Variants in CAMK2D observed in about 807,000 individuals in gnomAD.
CAMK2D encodes the protein calcium/calmodulin dependent protein kinase II delta.
Under a neutral mutation model 84.0 loss-of-function variants are expected in CAMK2D, and 37 were observed. The observed-to-expected ratio is 0.44, with a 90% CI of 0.34 to 0.58. The LOEUF is 0.58. CAMK2D is among the 20% of genes least tolerant of loss of function. The pLI, the probability that CAMK2D is intolerant of heterozygous loss-of-function variation, is 0.02. For missense variants in CAMK2D, 448 were observed against 652.5 expected, an observed-to-expected ratio of 0.69 and a Z score of 3.41; for synonymous variants, 202 against 212.5, an observed-to-expected ratio of 0.95 and a Z score of 0.43.
chr4:113,637,373 T>C (rs2099114091), intron 3 of CAMK2D, among the ~76,000 whole-genome samples: 1 of 152,212 alleles, frequency 6.6e-6, no homozygotes, highest in Non-Finnish European at 1.5e-5. Flanking sequence ...AAATGGAACA[T>C]ATCCCCCAAT....
intron 2 of CAMK2D, among the ~76,000 whole-genome samples, chr4:113,718,628 C>T (rs2099520881): frequency 6.6e-6 from 1 of 152,134 alleles, no homozygotes; most frequent in Admixed American, 6.6e-5. Flanking sequence ...CACTCTAGTC[C>T]CCAGGCAGGG....
chr4:113,688,234 G>A (rs1379341224), intron 2 of CAMK2D, among the ~76,000 whole-genome samples: 9 of 152,086 alleles, frequency 5.9e-5, no homozygotes, highest in African/African-American at 2.4e-5. Flanking sequence ...TCTGCCAAAC[G>A]TGTGTCCCTC....
At chr4:113,631,709 G>A (rs1221645302) in intron 3 of CAMK2D, among the ~76,000 whole-genome samples, 2 of 152,154 alleles carry the variant, frequency 1.3e-5, no homozygotes, top group Non-Finnish European at 2.9e-5. Context: ...GAGCTTCAGG[G>A]AGATCAATGA....
intron 2 of CAMK2D, among the ~76,000 whole-genome samples, chr4:113,723,327 C>T (rs956312213): frequency 4.0e-5 from 6 of 151,670 alleles, no homozygotes; most frequent in Middle Eastern, 3.4e-3. Flanking sequence ...CAGTTTCAAG[C>T]GATGCTCATG....
chr4:113,670,150 C>A (rs146270582), intron 2 of CAMK2D, among the ~76,000 whole-genome samples: 1 of 152,058 alleles, frequency 6.6e-6, no homozygotes, highest in Non-Finnish European at 1.5e-5. Flanking sequence ...GGCATGGTAG[C>A]GTGGGCCTGT....
intron 16 of CAMK2D, among the ~76,000 whole-genome samples, chr4:113,496,142 C>T (rs1217902631): frequency 1.3e-5 from 2 of 152,184 alleles, no homozygotes; most frequent in Non-Finnish European, 2.9e-5. Flanking sequence ...ACTACTGCTA[C>T]ACATCACTGA....
intron 2 of CAMK2D, among the ~76,000 whole-genome samples, chr4:113,686,484 T>C (rs1232379563): frequency 6.6e-6 from 1 of 152,232 alleles, no homozygotes; most frequent in African/African-American, 2.4e-5. Context: ...ACCCTTCTAA[T>C]TGCCATAATA....
intron 12 of CAMK2D, among the ~76,000 whole-genome samples, chr4:113,512,304 T>C (rs1253901396): frequency 3.3e-5 from 5 of 152,214 alleles, no homozygotes; most frequent in Non-Finnish European, 7.3e-5. Flanking sequence ...TGGAGTAATA[T>C]ATACTTTATC....
intron 4 of CAMK2D, among the ~76,000 whole-genome samples, chr4:113,603,770 ATT>A (rs1274218507): frequency 2.1e-5 from 2 of 95,252 alleles, no homozygotes; most frequent in African/African-American, 8.7e-5. Flanking sequence ...ATTTCTTGCT[ATT>A]TTATATATAT....
chr4:113,491,942 G>C (rs950347578), intron 16 of CAMK2D, among the ~76,000 whole-genome samples: 2 of 152,140 alleles, frequency 1.3e-5, no homozygotes, highest in Non-Finnish European at 2.9e-5. Context: ...GCTGTTTGTA[G>C]TATTCTCTGA....
At chr4:113,542,746 T>G (rs1194816248) in intron 6 of CAMK2D, among the ~76,000 whole-genome samples, 1 of 151,940 alleles carries the variant, frequency 6.6e-6, no homozygotes, top group Non-Finnish European at 1.5e-5. Context: ...TAAGTACTTC[T>G]CATCTCCCCC....
At chr4:113,709,746 G>GAGATATAT (rs1554070631) in intron 2 of CAMK2D, among the ~76,000 whole-genome samples, 6 of 49,822 alleles carry the variant, frequency 1.2e-4, no homozygotes, top group Non-Finnish European at 2.1e-4. Context: ...AGCCGTGAAC[G>GAGATATAT]ATATATATAT....
At chr4:113,646,994 T>A (rs1379713688) in intron 3 of CAMK2D, among the ~76,000 whole-genome samples, 5 of 152,262 alleles carry the variant, frequency 3.3e-5, no homozygotes, top group Non-Finnish European at 7.3e-5. Flanking sequence ...CCGAAAAACC[T>A]CATGATAGCC....
chr4:113,531,082 T>A (rs952508257), intron 8 of CAMK2D, 134 bp downstream of exon 8: 11 of 590,222 alleles, frequency 1.9e-5, no homozygotes, highest in Non-Finnish European at 3.4e-5. Flanking sequence ...AGACACTGTA[T>A]CAAAATAAAT....
At chr4:113,462,100 A>T (rs1041629174) in intron 17 of CAMK2D, among the ~76,000 whole-genome samples, 2 of 152,160 alleles carry the variant, frequency 1.3e-5, no homozygotes, top group Admixed American at 6.6e-5. Flanking sequence ...ACAAGAATTT[A>T]TTCTGCCAGG....
chr4:113,714,092 G>A (rs972940899), intron 2 of CAMK2D, among the ~76,000 whole-genome samples: 4 of 151,884 alleles, frequency 2.6e-5, no homozygotes, highest in South Asian at 2.1e-4. Flanking sequence ...GTCTTTTGGG[G>A]TAAAGTTTCA....
chr4:113,453,822 A>T lies in CAMK2D; in HGVS notation c.*723T>A, dbSNP rs1405645417. 1 of 152,644 alleles carries T rather than the reference A, an allele frequency of 6.6e-6. No homozygotes were observed. Among genetic ancestry groups the T allele is most frequent in the Non-Finnish European group, 1.5e-5 (1 of 68,032 alleles). The allele number at this position is 152,644 out of a possible 1,614,324, so 9.5% of individuals were successfully genotyped here. ...TTGAGAAAGAAAAACAATTCAATTC[A>T]GCAAATTCACCAAAACAATGTGAAT... is the stretch of plus-strand genomic sequence containing the variant. On this transcript the variant is annotated 3_prime_UTR_variant, in exon 21 of 21. Coordinates refer to ENST00000511664, the MANE Select transcript of CAMK2D (RefSeq NM_001321571.2).
At chr4:113,593,258 C>T (rs1280743497) in intron 4 of CAMK2D, among the ~76,000 whole-genome samples, 3 of 152,178 alleles carry the variant, frequency 2.0e-5, no homozygotes, top group Non-Finnish European at 2.9e-5. Context: ...AAGTAAAATA[C>T]TGAACAAACT....
At chr4:113,629,802 T>C (rs201137459) in intron 3 of CAMK2D, among the ~76,000 whole-genome samples, 2 of 132,416 alleles carry the variant, frequency 1.5e-5, no homozygotes, top group African/African-American at 7.1e-5. Context: ...AAAAAAAAAA[T>C]AGAAAGGGAG....
Sources: gnomAD v4.1 joint callset for allele counts (sites outside exome capture counted in the v4.1 genomes callset) on GRCh38, gnomAD v4.1.1 for gene constraint, MANE v1.5 for transcripts, NCBI Gene and HGNC (gene_info 2026-07-23, HGNC 2026-07-21) for gene names.